NSRP1: variants seen among roughly 807,000 people sequenced by gnomAD.
NSRP1 encodes nuclear speckle splicing regulatory protein 1.
A neutral mutation model predicts 54.7 loss-of-function variants in NSRP1; 24 were observed. The ratio of observed to expected loss-of-function variants is 0.44; its 90% CI spans 0.32 to 0.62. The LOEUF is 0.62. NSRP1 is among the 20% of genes least tolerant of loss of function. The pLI is 0.06. For synonymous variants in NSRP1, 210 were observed against 213.8 expected, an observed-to-expected ratio of 0.98 and a Z score of 0.15; for missense variants, 596 against 651.2, an observed-to-expected ratio of 0.92 and a Z score of 0.92.
At chr17:30,137,618 T>G (rs183479781) in intron 2 of NSRP1, among the ~76,000 whole-genome samples, 279 of 152,354 alleles carry the variant, frequency 1.8e-3, no homozygotes, top group Admixed American at 4.5e-3. Flanking sequence ...GTGATGTTTG[T>G]TAACACAGGA....
At chr17:30,143,713 C>T (rs1329338275) in intron 2 of NSRP1, among the ~76,000 whole-genome samples, 1 of 152,074 alleles carries the variant, frequency 6.6e-6, no homozygotes, top group African/African-American at 2.4e-5. Context: ...AATTGGAAAA[C>T]ATGTCATTAA....
chr17:30,174,926 G>A (rs750622069), intron 3 of NSRP1, among the ~76,000 whole-genome samples: 11 of 152,156 alleles, frequency 7.2e-5, no homozygotes, highest in Non-Finnish European at 1.0e-4. Context: ...AAGTGAGACT[G>A]GGCAGAATAG....
At chr17:30,117,312 C>T (rs1455796126) in intron 1 of NSRP1, 2 of 572,558 alleles carry the variant, frequency 3.5e-6, no homozygotes, top group Non-Finnish European at 6.2e-6. Context: ...GAATATTGTT[C>T]TGAGAAGCCA....
chr17:30,140,638 C>T (rs1188830582), intron 2 of NSRP1, among the ~76,000 whole-genome samples: 2 of 149,228 alleles, frequency 1.3e-5, no homozygotes, highest in Non-Finnish European at 3.0e-5. Context: ...AAGCGATTCT[C>T]CTGCCTCAGC....
At chr17:30,152,242 T>A (rs535772996) in intron 2 of NSRP1, among the ~76,000 whole-genome samples, 3 of 151,862 alleles carry the variant, frequency 2.0e-5, no homozygotes, top group African/African-American at 7.2e-5. Context: ...CCTGCCTCAG[T>A]CTCTCGAGTA....
intron 2 of NSRP1, among the ~76,000 whole-genome samples, chr17:30,137,651 A>G (rs893171916): frequency 1.3e-5 from 2 of 152,250 alleles, no homozygotes; most frequent in Admixed American, 6.5e-5. Context: ...ATTAACCAAT[A>G]ACTTTAGTTG....
intron 2 of NSRP1, among the ~76,000 whole-genome samples, chr17:30,139,167 T>C (rs2071780339): frequency 6.7e-6 from 1 of 149,856 alleles, no homozygotes; most frequent in Non-Finnish European, 1.5e-5. Context: ...TCCAACCGCC[T>C]CAGCCTCCCA....
Position 30,185,407 on chromosome 17 carries a change from AAGATCCAACAAAATG to A in NSRP1, c.1414_1428del (p.Ser472_Arg476del), listed in dbSNP as rs761257441. On this transcript the variant is annotated inframe_deletion, in exon 7 of 7. Coordinates refer to ENST00000247026, the MANE Select transcript of NSRP1 (RefSeq NM_032141.4). ...CAAAGGATAAATTTCTTGACCAAGAAAGATCCAACAAAATGAGAAACATGGCAAAGGACAAAGAAA... is the reference window on the plus strand; with the variant it reads ...CAAAGGATAAATTTCTTGACCAAGAAAGAAACATGGCAAAGGACAAAGAAA... 2.6e-5 allele frequency: 42 copies of A among 1,610,828 alleles called. No homozygotes were observed. In the Admixed American group the frequency reaches 3.9e-4, roughly 15 times the overall value.
intron 2 of NSRP1, among the ~76,000 whole-genome samples, chr17:30,121,331 C>T (rs2071594385): frequency 6.6e-6 from 1 of 151,706 alleles, no homozygotes; most frequent in African/African-American, 2.4e-5. Context: ...GGTGAGAGAT[C>T]TCAACCTAGG....
intron 2 of NSRP1, among the ~76,000 whole-genome samples, chr17:30,146,426 G>C (rs186337184): frequency 1.4e-4 from 22 of 152,222 alleles, no homozygotes; most frequent in African/African-American, 4.6e-4. Flanking sequence ...ACAGGGTCTT[G>C]CTATCTTGCC....
At chr17:30,132,484 G>A (rs1340558544) in intron 2 of NSRP1, among the ~76,000 whole-genome samples, 1 of 151,832 alleles carries the variant, frequency 6.6e-6, no homozygotes, top group African/African-American at 2.4e-5. Flanking sequence ...AGCCCAGGAG[G>A]TGGAGGTTGC....
intron 2 of NSRP1, among the ~76,000 whole-genome samples, chr17:30,138,642 A>G (rs555330654): frequency 6.6e-6 from 1 of 152,152 alleles, no homozygotes; most frequent in Admixed American, 6.5e-5. Context: ...ATCCACATAG[A>G]TGGAACCCAC....
intron 2 of NSRP1, among the ~76,000 whole-genome samples, chr17:30,131,971 A>G (rs1213034394): frequency 6.6e-6 from 1 of 152,170 alleles, no homozygotes; most frequent in Non-Finnish European, 1.5e-5. Flanking sequence ...GTGCAAGGCC[A>G]GGCGCGGTGG....
chr17:30,168,912 C>G (rs1409788972), intron 2 of NSRP1: 1 of 151,932 alleles, frequency 6.6e-6, no homozygotes, highest in East Asian at 1.9e-4. Flanking sequence ...ATCAGTTTTT[C>G]CTGACTTTTT....
intron 2 of NSRP1, among the ~76,000 whole-genome samples, chr17:30,152,675 T>C (rs752392149): frequency 7.2e-5 from 11 of 152,022 alleles, no homozygotes; most frequent in Non-Finnish European, 1.3e-4. Flanking sequence ...GACTGTTCTT[T>C]CCCCTTTGAA....
chr17:30,171,932 T>TCACA (rs1491377647), intron 2 of NSRP1, among the ~76,000 whole-genome samples: 11 of 92,154 alleles, frequency 1.2e-4, no homozygotes, highest in African/African-American at 3.0e-4. Context: ...TTTCCCCATT[T>TCACA]CTCACACACA....
intron 2 of NSRP1, 108 bp downstream of exon 2, chr17:30,118,281 G>GTA (rs1444362724): frequency 5.7e-6 from 4 of 707,102 alleles, no homozygotes; most frequent in Non-Finnish European, 6.9e-6. Flanking sequence ...GTACAGTGGA[G>GTA]TATAATTTAC....
At position 30,184,846 on chromosome 17, in the gene NSRP1, C is replaced by G. The variant is rs1332020185; in HGVS notation, c.849C>G (p.His283Gln). 2 of 1,614,080 alleles carry G rather than the reference C, an allele frequency of 1.2e-6. No homozygotes were observed. The highest frequency in any genetic ancestry group is 1.7e-6 in the Non-Finnish European group (2 of 1,180,028). ...CCCCTGAGAATGACTTCAAGCACCA[C>G]AGGAGTCAAAACCACTCTCGGTCAC... ...IETPENDFKH[H>Q]RSQNHSRSPS... is the part of the protein sequence containing the mutation. The change falls in exon 7 of 7, where the codon CAC (histidine) becomes CAG (glutamine). Residue 283 changes from histidine (H) to glutamine (Q), a missense_variant. Physicochemically the swap from His to Gln is conservative, Grantham distance 24. Coordinates refer to ENST00000247026, the MANE Select transcript of NSRP1 (RefSeq NM_032141.4).
chr17:30,134,039 C>T lies in NSRP1; in HGVS notation c.114+15866C>T, dbSNP rs144160645. On this transcript the variant is annotated intron_variant, in intron 2 of 6. Coordinates refer to ENST00000247026, the MANE Select transcript of NSRP1 (RefSeq NM_032141.4). ...TTGATTTAAAGTAAGAAACCTGCTA[C>T]TCTTTCTTTCACTTGAACACTTAAA... Among the ~76,000 whole-genome samples, 808 of 152,326 alleles carry T rather than the reference C, an allele frequency of 5.3e-3. 7 individuals carry two copies. Among genetic ancestry groups the T allele is most frequent in the African/African-American group, 0.018 (763 of 41,574 alleles).
Sources: allele counts gnomAD v4.1 joint callset (sites outside exome capture counted in the v4.1 genomes callset), GRCh38; gene constraint gnomAD v4.1.1; transcripts MANE v1.5; gene names NCBI Gene and HGNC (gene_info 2026-07-23, HGNC 2026-07-21).